ATL2: variants seen among roughly 807,000 people sequenced by gnomAD.
The protein encoded by ATL2 is atlastin-2.
ATL2 carries 31 observed loss-of-function variants against 73.9 expected under a neutral mutation model. That is an observed-to-expected ratio of 0.42 (90% CI 0.32 to 0.57). The LOEUF (loss-of-function observed/expected upper bound fraction) is 0.57, where lower values mean the gene tolerates loss of function less well. Ranked by LOEUF, ATL2 falls within the 20% of genes least tolerant of loss-of-function variation. The pLI is 0.14. For synonymous variants in ATL2, 291 were observed against 237.5 expected, an observed-to-expected ratio of 1.23 and a Z score of -2.07; for missense variants, 738 against 702.6, an observed-to-expected ratio of 1.05 and a Z score of -0.57.
At chr2:38,309,271 T>C (rs1215586384) in intron 9 of ATL2, 108 bp downstream of exon 9, 4 of 1,069,906 alleles carry the variant, frequency 3.7e-6, no homozygotes, top group Non-Finnish European at 5.2e-6. Flanking sequence ...TCACAAATCT[T>C]ACTCTTTTTT....
chr2:38,365,431 G>C (rs1671264499), intron 1 of ATL2, among the ~76,000 whole-genome samples: 1 of 152,030 alleles, frequency 6.6e-6, no homozygotes. Context: ...GAGGCAGGCA[G>C]AACACCTGAG....
At chr2:38,326,142 T>C (rs1573489002) in intron 2 of ATL2, among the ~76,000 whole-genome samples, 1 of 152,158 alleles carries the variant, frequency 6.6e-6, no homozygotes, top group Non-Finnish European at 1.5e-5. Flanking sequence ...TCCTACACTT[T>C]ACCACCTCAT....
rs201934989 is a variant in ATL2, at chr2:38,325,887, TTTTGTTTG to T, written c.364-6876_364-6869del. Reference sequence around the variant, plus strand: ...TCTAGGCTTCCTGTCTAGTTTAAGGTTTTGTTTGTTTGTTTGTTTAAAAAAAAAAAAAA... The same window carrying T: ...TCTAGGCTTCCTGTCTAGTTTAAGGTTTTGTTTGTTTAAAAAAAAAAAAAA... On this transcript the variant is annotated intron_variant, in intron 2 of 12. Transcript: ENST00000378954. Among the ~76,000 whole-genome samples, 796 of 138,862 alleles carry T rather than the reference TTTTGTTTG, an allele frequency of 5.7e-3. 10 individuals carry two copies. Among genetic ancestry groups the T allele is most frequent in the East Asian group, 0.042 (208 of 4,898 alleles). 91.1% of individuals were successfully genotyped at this position (138,862 alleles called of 152,430 possible). A position where few individuals can be genotyped will look rare whatever the true frequency, so the allele number is the denominator to read the frequency against.
chr2:38,355,703 CTTTT>C (rs34580648), intron 1 of ATL2, among the ~76,000 whole-genome samples: 3 of 136,892 alleles, frequency 2.2e-5, no homozygotes, highest in African/African-American at 5.4e-5. Flanking sequence ...TTGTTTGGTT[CTTTT>C]TTTTTTTTTT....
At chr2:38,358,792 C>T (rs1323467021) in intron 1 of ATL2, 1 of 152,732 alleles carries the variant, frequency 6.5e-6, no homozygotes, top group Non-Finnish European at 1.5e-5. Context: ...CTAGCTCATC[C>T]AATCACCTGG....
intron 1 of ATL2, among the ~76,000 whole-genome samples, chr2:38,353,243 G>A (rs982560762): frequency 6.6e-6 from 1 of 152,006 alleles, no homozygotes; most frequent in South Asian, 2.1e-4. Flanking sequence ...AGGAGTCTCA[G>A]CCAAAAAACT....
At chr2:38,298,089 G>T in intron 12 of ATL2, 55 bp downstream of exon 12, 1 of 1,489,352 alleles carries the variant, frequency 6.7e-7, no homozygotes, top group Non-Finnish European at 9.1e-7. Context: ...GCAAAGGATG[G>T]AAAGTCACAG....
At chr2:38,328,921 T>A (rs1002677667) in intron 2 of ATL2, among the ~76,000 whole-genome samples, 1 of 150,412 alleles carries the variant, frequency 6.6e-6, no homozygotes, top group African/African-American at 2.4e-5. Flanking sequence ...TATAATTAAC[T>A]GAAGAGAGAG....
Position 38,368,499 on chromosome 2 carries a change from G to A in ATL2, c.118+8644C>T, listed in dbSNP as rs1214304895. On this transcript the variant is annotated intron_variant, in intron 1 of 12. Transcript: ENST00000378954. Reference sequence around the variant, plus strand: ...ACTCCCCACCTCAGGTGATCCGCCCGCCTTGGCCTCCCAAAGTGCTGGGAT... The same window carrying A: ...ACTCCCCACCTCAGGTGATCCGCCCACCTTGGCCTCCCAAAGTGCTGGGAT... 8.6e-5 allele frequency among the ~76,000 whole-genome samples: 13 copies of A among 151,644 alleles called. No homozygotes were observed. In the East Asian group the frequency reaches 9.7e-4, roughly 11 times the overall value.
intron 9 of ATL2, among the ~76,000 whole-genome samples, chr2:38,300,754 G>C (rs1014220765): frequency 5.9e-5 from 9 of 151,912 alleles, no homozygotes; most frequent in Non-Finnish European, 1.2e-4. Context: ...GGGCTCAAGT[G>C]ATCCTCCTGC....
Position 38,298,507 on chromosome 2 carries a change from T to G in ATL2, c.1269A>C (p.Glu423Asp). 1 of 1,614,200 alleles carries G rather than the reference T, an allele frequency of 6.2e-7. No individual in the cohort carries two copies. The highest frequency in any genetic ancestry group is 8.5e-7 in the Non-Finnish European group (1 of 1,180,010). ...CTGAACGAAATTGTTTTATCGCCAC[T>G]TCCTTGAGATCCAAGTGTTTTCGCT... ...DLERKHLDLK[E>D]VAIKQFRSVK... Residue 423 changes from glutamate (E) to aspartate (D), a missense_variant, in exon 12 of 13, where the codon GAA becomes GAC. By Grantham distance (45) the Glu-to-Asp change is conservative (BLOSUM62 2). Transcript: ENST00000378954.
At chr2:38,343,177 A>AT in intron 2 of ATL2, 91 bp downstream of exon 2, 1 of 541,666 alleles carries the variant, frequency 1.8e-6, no homozygotes, top group Non-Finnish European at 2.8e-6. Context: ...AAAAAAAAAA[A>AT]AGATATAGTT....
intron 1 of ATL2, among the ~76,000 whole-genome samples, chr2:38,369,547 A>T (rs897528938): frequency 1.3e-5 from 2 of 151,512 alleles, no homozygotes; most frequent in Admixed American, 6.6e-5. Flanking sequence ...TAGCCTCCCA[A>T]AGTGCTGGGA....
At chr2:38,344,230 C>A (rs574667237) in intron 1 of ATL2, among the ~76,000 whole-genome samples, 193 of 152,276 alleles carry the variant, frequency 1.3e-3, no homozygotes, top group African/African-American at 4.3e-3. Flanking sequence ...ATCAATTTCA[C>A]CTGATACTTC....
intron 1 of ATL2, among the ~76,000 whole-genome samples, chr2:38,346,056 T>C (rs903831634): frequency 3.9e-5 from 6 of 152,216 alleles, no homozygotes; most frequent in Non-Finnish European, 7.3e-5. Context: ...ACTTGACCAG[T>C]GTAGCTGCGT....
At chr2:38,354,582 A>G (rs544911006) in intron 1 of ATL2, among the ~76,000 whole-genome samples, 2 of 152,272 alleles carry the variant, frequency 1.3e-5, no homozygotes, top group East Asian at 3.9e-4. Flanking sequence ...AAAAGAAAAA[A>G]GGTATAGCTT....
At chr2:38,305,378 T>C (rs924334915) in intron 9 of ATL2, among the ~76,000 whole-genome samples, 1 of 152,036 alleles carries the variant, frequency 6.6e-6, no homozygotes, top group African/African-American at 2.4e-5. Flanking sequence ...TGAAACCCCA[T>C]CTCTACTAAA....
chr2:38,324,817 A>G (rs1668505971), intron 2 of ATL2, among the ~76,000 whole-genome samples: 1 of 152,252 alleles, frequency 6.6e-6, no homozygotes, highest in East Asian at 1.9e-4. Context: ...GATTCTACTC[A>G]TATGAGGTGC....
At chr2:38,313,443 C>T (rs542076058) in intron 6 of ATL2, among the ~76,000 whole-genome samples, 200 bp from the exon 7 acceptor site, 4 of 152,230 alleles carry the variant, frequency 2.6e-5, no homozygotes, top group South Asian at 2.1e-4. Context: ...ACCAAGCAAT[C>T]GCTGCCACTG....
Sources: gnomAD v4.1 joint callset for allele counts (sites outside exome capture counted in the v4.1 genomes callset) on GRCh38, gnomAD v4.1.1 for gene constraint, MANE v1.5 for transcripts, NCBI Gene and HGNC (gene_info 2026-07-23, HGNC 2026-07-21) for gene names.